Variants in IL1RAPL2 observed in about 807,000 individuals in gnomAD.
The protein encoded by IL1RAPL2 is interleukin 1 receptor accessory protein like 2.
Under a neutral mutation model 44.1 loss-of-function variants are expected in IL1RAPL2, and 3 were observed. That is an observed-to-expected ratio of 0.07 (90% confidence interval 0.03 to 0.18). The LOEUF (loss-of-function observed/expected upper bound fraction) is 0.18, where lower values mean the gene tolerates loss of function less well. IL1RAPL2 is among the 10% of genes least tolerant of loss of function. The pLI is 1.00. For synonymous variants in IL1RAPL2, 181 were observed against 178.8 expected (o/e 1.01, Z -0.10); for missense variants, 391 against 496.4 (o/e 0.79, Z 2.02).
chrX:105,240,696 G>A (rs1240166400), intron 4 of IL1RAPL2, among the ~76,000 whole-genome samples: 1 of 111,451 alleles, frequency 9.0e-6, no homozygotes, highest in African/African-American at 3.3e-5. Flanking sequence ...TTATTTCTGT[G>A]GTCTACAATA....
intron 2 of IL1RAPL2, among the ~76,000 whole-genome samples, chrX:105,126,319 G>A (rs1278803649): frequency 2.4e-5 from 2 of 83,328 alleles, no homozygotes; most frequent in Non-Finnish European, 4.7e-5. Flanking sequence ...TTTCAAGTAA[G>A]GAATCAGTTG....
intron 2 of IL1RAPL2, among the ~76,000 whole-genome samples, chrX:104,880,781 TTC>T (rs2147658106): frequency 8.9e-6 from 1 of 112,451 alleles, no homozygotes; most frequent in East Asian, 2.8e-4. Context: ...AAATTAAAAT[TTC>T]TGTCACAAAA....
In IL1RAPL2 at chrX:105,008,001, C is replaced by T. The variant is rs75500962; in HGVS notation, c.83-187474C>T. Among the ~76,000 whole-genome samples the T allele has an allele frequency of 9.4e-3, 757 of 80,154 alleles. 33 individuals are homozygous for T. Among genetic ancestry groups the T allele is most frequent in the South Asian group, 0.052 (73 of 1,399 alleles). The allele number at this position is 80,154 out of a possible 115,157, so 69.6% of individuals were successfully genotyped here. A position where few individuals can be genotyped will look rare whatever the true frequency, so the allele number is the denominator to read the frequency against. On this transcript the variant is annotated intron_variant, in intron 2 of 10. Transcript: ENST00000372582. ...TACTTACTATTGAGAAGAGAATTGC[C>T]AAGGGCAATACTATCTGTCTTAGTC...
intron 5 of IL1RAPL2, among the ~76,000 whole-genome samples, chrX:105,318,828 A>G (rs2034874136): frequency 8.9e-6 from 1 of 111,862 alleles, no homozygotes; most frequent in Non-Finnish European, 1.9e-5. Context: ...TGCTTTCCAA[A>G]GTGCTGTTAT....
intron 6 of IL1RAPL2, among the ~76,000 whole-genome samples, chrX:105,689,223 G>A (rs917380702): frequency 1.8e-5 from 2 of 111,641 alleles, no homozygotes; most frequent in African/African-American, 6.5e-5. Context: ...TTGACAAATG[G>A]GATCTAATTA....
rs146367798 is a variant in IL1RAPL2, at chrX:105,151,122, G to A, written c.83-44353G>A. Among the ~76,000 whole-genome samples, 931 of 111,862 alleles carry A rather than the reference G, an allele frequency of 8.3e-3. 12 individuals are homozygous for A. Among genetic ancestry groups the A allele is most frequent in the African/African-American group, 0.029 (884 of 30,783 alleles). On this transcript the variant is annotated intron_variant, in intron 2 of 10. Coordinates refer to ENST00000372582, the MANE Select transcript of IL1RAPL2 (RefSeq NM_017416.2). ...TTCTATAATGCTGGGAAATCTCATC[G>A]TGTCCCTGAGCATCTTTACTGTACA...
chrX:105,073,810 ATG>A (rs1335834414), intron 2 of IL1RAPL2, among the ~76,000 whole-genome samples: 2 of 111,341 alleles, frequency 1.8e-5, no homozygotes, highest in Non-Finnish European at 3.8e-5. Context: ...GCATTTTTTC[ATG>A]TGTTTTTTTG....
intron 4 of IL1RAPL2, among the ~76,000 whole-genome samples, chrX:105,244,724 T>C (rs1256073751): frequency 8.9e-6 from 1 of 112,100 alleles, no homozygotes; most frequent in African/African-American, 3.2e-5. Flanking sequence ...GTGCCATCTG[T>C]TAAAAGAAAA....
intron 5 of IL1RAPL2, among the ~76,000 whole-genome samples, chrX:105,481,889 C>G (rs1481230249): frequency 8.9e-6 from 1 of 111,944 alleles, no homozygotes; most frequent in Non-Finnish European, 1.9e-5. Flanking sequence ...GACACCCTTT[C>G]CTTACCCACC....
chrX:105,565,923 T>G (rs1039971938), intron 6 of IL1RAPL2, among the ~76,000 whole-genome samples: 2 of 111,513 alleles, frequency 1.8e-5, no homozygotes, highest in African/African-American at 6.5e-5. Flanking sequence ...GTGGAACATG[T>G]TCCATGAGTT....
intron 2 of IL1RAPL2, among the ~76,000 whole-genome samples, chrX:104,909,061 C>G (rs1418750889): frequency 2.7e-5 from 3 of 110,818 alleles, no homozygotes; most frequent in African/African-American, 9.9e-5. Context: ...TCTTTTTTCT[C>G]TAAACTTCCC....
At chrX:104,702,704 AGG>A (rs1462607732) in intron 2 of IL1RAPL2, among the ~76,000 whole-genome samples, 1 of 111,411 alleles carries the variant, frequency 9.0e-6, no homozygotes, top group Non-Finnish European at 1.9e-5. Flanking sequence ...AGAAGTGAAC[AGG>A]GAGGTGGTGG....
At chrX:105,757,556 G>A (rs1441711912) in intron 10 of IL1RAPL2, among the ~76,000 whole-genome samples, 1 of 111,371 alleles carries the variant, frequency 9.0e-6, no homozygotes, top group East Asian at 2.8e-4. Flanking sequence ...CGTCAGGATG[G>A]GCAGAGATTT....
chrX:105,186,603 G>A (rs2033590205), intron 2 of IL1RAPL2, among the ~76,000 whole-genome samples: 1 of 111,602 alleles, frequency 9.0e-6, no homozygotes, highest in Non-Finnish European at 1.9e-5. Flanking sequence ...GGGTGTGGGT[G>A]GTAGACTTTG....
intron 2 of IL1RAPL2, among the ~76,000 whole-genome samples, chrX:105,080,446 G>A (rs1284610006): frequency 8.9e-6 from 1 of 112,089 alleles, no homozygotes; most frequent in Admixed American, 9.5e-5. Flanking sequence ...TGGCTAGCCA[G>A]TTTTCCCAAC....
At chrX:105,009,627 A>C (rs2031012797) in intron 2 of IL1RAPL2, among the ~76,000 whole-genome samples, 1 of 104,838 alleles carries the variant, frequency 9.5e-6, no homozygotes. Context: ...GCGAGATAGC[A>C]TTAGGAGATA....
At chrX:105,320,255 A>C (rs2034887443) in intron 5 of IL1RAPL2, among the ~76,000 whole-genome samples, 1 of 111,982 alleles carries the variant, frequency 8.9e-6, no homozygotes, top group Non-Finnish European at 1.9e-5. Context: ...TGACTTTATG[A>C]ATGTGTGTTG....
chrX:104,998,143 A>G (rs1168245410), intron 2 of IL1RAPL2, among the ~76,000 whole-genome samples: 1 of 111,676 alleles, frequency 9.0e-6, no homozygotes, highest in African/African-American at 3.3e-5. Flanking sequence ...CTGGTGAGTT[A>G]CAGGTTAAAA....
intron 6 of IL1RAPL2, among the ~76,000 whole-genome samples, chrX:105,563,312 C>T (rs1226317355): frequency 9.0e-6 from 1 of 111,410 alleles, no homozygotes; most frequent in Non-Finnish European, 1.9e-5. Flanking sequence ...TTGAACTCAA[C>T]TAGTCTAGCA....
Sources: allele counts gnomAD v4.1 joint callset (sites outside exome capture counted in the v4.1 genomes callset), GRCh38; gene constraint gnomAD v4.1.1; transcripts MANE v1.5; gene names NCBI Gene and HGNC (gene_info 2026-07-23, HGNC 2026-07-21).